The following PSMA8 variants were observed in gnomAD, a reference collection of about 807,000 sequenced individuals.
The protein encoded by PSMA8 is proteasome 20S subunit alpha 8, also known as proteasome subunit alpha-type 8.
PSMA8 carries 18 observed loss-of-function variants against 32.4 expected under a neutral mutation model. The ratio of observed to expected loss-of-function variants is 0.56; its 90% confidence interval spans 0.38 to 0.82. PSMA8 has a LOEUF of 0.82. Among genes scored for constraint, PSMA8 ranks in the 40% least tolerant of loss-of-function variants. The pLI is 0.00. For missense variants in PSMA8, 298 were observed against 300.7 expected, an observed-to-expected ratio of 0.99 and a Z score of 0.07; for synonymous variants, 104 against 98.1, an observed-to-expected ratio of 1.06 and a Z score of -0.36.
intron 6 of PSMA8, among the ~76,000 whole-genome samples, chr18:26,188,876 C>G (rs2055378816): frequency 6.6e-6 from 1 of 152,160 alleles, no homozygotes; most frequent in South Asian, 2.1e-4. Context: ...TGACCTCAAT[C>G]TATAAAACTA....
intron 4 of PSMA8, among the ~76,000 whole-genome samples, chr18:26,178,141 C>T (rs2055278714): frequency 6.6e-6 from 1 of 152,100 alleles, no homozygotes; most frequent in Non-Finnish European, 1.5e-5. Flanking sequence ...TACCTTGAGC[C>T]CAGAAGGCCA....
chr18:26,171,720 T>TG (rs2055223439), intron 4 of PSMA8, among the ~76,000 whole-genome samples: 1 of 151,364 alleles, frequency 6.6e-6, no homozygotes, highest in African/African-American at 2.4e-5. Context: ...GGCAACAGAG[T>TG]GAGACTCCGT....
At chr18:26,181,503 CAT>C (rs1355373335) in intron 6 of PSMA8, among the ~76,000 whole-genome samples, 2 of 152,114 alleles carry the variant, frequency 1.3e-5, no homozygotes, top group Non-Finnish European at 1.5e-5. Context: ...ATGTCTGTCA[CAT>C]GAGTTTTAAA....
intron 1 of PSMA8, among the ~76,000 whole-genome samples, chr18:26,134,328 G>GGTGTGTGTGT (rs1473190847): frequency 6.7e-6 from 1 of 149,536 alleles, no homozygotes; most frequent in African/African-American, 2.5e-5. Context: ...GCAAAACTAG[G>GGTGTGTGTGT]GTGTGTGTGT....
At chr18:26,175,860 C>G (rs181105558) in intron 4 of PSMA8, among the ~76,000 whole-genome samples, 4 of 152,224 alleles carry the variant, frequency 2.6e-5, no homozygotes, top group Admixed American at 2.0e-4. Flanking sequence ...GACCTCTAGC[C>G]AATATGTCTG....
At chr18:26,162,632 G>A (rs376534352) in intron 4 of PSMA8, among the ~76,000 whole-genome samples, 3 of 152,084 alleles carry the variant, frequency 2.0e-5, no homozygotes, top group African/African-American at 4.8e-5. Flanking sequence ...TTGGGAGGCC[G>A]AGGTGGGCAG....
intron 6 of PSMA8, among the ~76,000 whole-genome samples, chr18:26,187,099 C>A (rs912565683): frequency 6.6e-6 from 1 of 152,222 alleles, no homozygotes; most frequent in Admixed American, 6.5e-5. Flanking sequence ...AATCCCAGCA[C>A]TTTGGGAGGC....
chr18:26,178,030 A>G (rs2055277561), intron 4 of PSMA8, among the ~76,000 whole-genome samples: 1 of 152,166 alleles, frequency 6.6e-6, no homozygotes, highest in Non-Finnish European at 1.5e-5. Flanking sequence ...CCTGGGCAAC[A>G]TAGCAAGACC....
chr18:26,148,870 A>T (rs924787335), intron 2 of PSMA8, among the ~76,000 whole-genome samples: 1 of 152,190 alleles, frequency 6.6e-6, no homozygotes, highest in African/African-American at 2.4e-5. Context: ...AATTTGAAAC[A>T]GGGTCTCACT....
chr18:26,171,052 C>T, intron 4 of PSMA8: 1 of 1,558,576 alleles, frequency 6.4e-7, no homozygotes, highest in Non-Finnish European at 8.6e-7. Context: ...TCCTTGAGTT[C>T]TCTGCTGAGA....
intron 1 of PSMA8, among the ~76,000 whole-genome samples, chr18:26,135,668 G>A (rs938483694): frequency 6.6e-6 from 1 of 152,116 alleles, no homozygotes; most frequent in Non-Finnish European, 1.5e-5. Context: ...AGAAACTAAT[G>A]GCCAAGTTTT....
chr18:26,183,555 G>A (rs1207504770), intron 6 of PSMA8, among the ~76,000 whole-genome samples: 1 of 150,766 alleles, frequency 6.6e-6, no homozygotes, highest in African/African-American at 2.4e-5. Context: ...TAGAAGTGGA[G>A]CCTGAATATG....
intron 4 of PSMA8, among the ~76,000 whole-genome samples, chr18:26,166,730 T>C (rs146816158): frequency 1.1e-3 from 162 of 152,274 alleles, no homozygotes; most frequent in Admixed American, 1.7e-3. Flanking sequence ...GACTTGGAGA[T>C]TTGGCAGGAC....
chr18:26,189,423 C>A (rs1034780258), intron 6 of PSMA8, among the ~76,000 whole-genome samples: 1 of 151,974 alleles, frequency 6.6e-6, no homozygotes, highest in Non-Finnish European at 1.5e-5. Context: ...GTCCCAGCTA[C>A]TTGGGAAGCT....
intron 4 of PSMA8, among the ~76,000 whole-genome samples, chr18:26,159,070 T>C (rs1207502401): frequency 6.6e-6 from 1 of 152,096 alleles, no homozygotes; most frequent in African/African-American, 2.4e-5. Context: ...TATATATTCC[T>C]GTATATAAGA....
In PSMA8 at chr18:26,162,810, G is replaced by A. The variant is rs145445804; in HGVS notation, c.477+4566G>A. ...GAACCCAGGAGGCGGAGCTTGCAGT[G>A]AGCTGAGATCACACCACTGCACTCC... On this transcript the variant is annotated intron_variant, in intron 4 of 6. Coordinates refer to ENST00000415576, the MANE Select transcript of PSMA8 (RefSeq NM_001025096.2). Among the ~76,000 whole-genome samples, 497 of 152,172 alleles carry A rather than the reference G, an allele frequency of 3.3e-3. 2 individuals are homozygous for A. The highest frequency in any genetic ancestry group is 0.012 in the African/African-American group (484 of 41,504).
chr18:26,140,023 C>T, intron 1 of PSMA8: 4 of 702,542 alleles, frequency 5.7e-6, no homozygotes, highest in Non-Finnish European at 1.0e-5. Flanking sequence ...GATCTCCATA[C>T]TTTATTTTCT....
At chr18:26,158,934 C>CT (rs1282074129) in intron 4 of PSMA8, among the ~76,000 whole-genome samples, 2 of 152,090 alleles carry the variant, frequency 1.3e-5, no homozygotes, top group African/African-American at 4.8e-5. Context: ...AATCATGTCT[C>CT]TGCACTCCAG....
At chr18:26,160,199 G>A (rs185823728) in intron 4 of PSMA8, among the ~76,000 whole-genome samples, 3 of 152,222 alleles carry the variant, frequency 2.0e-5, no homozygotes, top group African/African-American at 4.8e-5. Flanking sequence ...CAGCTACTTT[G>A]GAAGCTAATG....
Sources: gnomAD v4.1 joint callset for allele counts (sites outside exome capture counted in the v4.1 genomes callset) on GRCh38, gnomAD v4.1.1 for gene constraint, MANE v1.5 for transcripts, NCBI Gene and HGNC (gene_info 2026-07-23, HGNC 2026-07-21) for gene names.